PCDH15: variants seen among roughly 807,000 people sequenced by gnomAD.
PCDH15 encodes protocadherin-15.
In PCDH15, 129 loss-of-function variants were observed where a neutral mutation model predicts 178.5. The ratio of observed to expected loss-of-function variants is 0.72; its 90% CI spans 0.63 to 0.84. PCDH15 has a LOEUF of 0.84. Among genes scored for constraint, PCDH15 ranks in the 40% least tolerant of loss-of-function variants. The pLI is 0.00. For synonymous variants in PCDH15, 800 were observed against 732.0 expected, an observed-to-expected ratio of 1.09 and a Z score of -1.50; for missense variants, 2,230 against 2,099.9, an observed-to-expected ratio of 1.06 and a Z score of -1.21.
intron 2 of PCDH15, among the ~76,000 whole-genome samples, chr10:54,577,314 G>A (rs182725177): frequency 1.3e-3 from 189 of 148,954 alleles, no homozygotes; most frequent in Admixed American, 2.4e-3. Context: ...GGATAGTCTC[G>A]ATCTCCTGAC....
chr10:54,468,989 T>A (rs916583246), intron 3 of PCDH15, among the ~76,000 whole-genome samples: 1 of 152,232 alleles, frequency 6.6e-6, no homozygotes, highest in Non-Finnish European at 1.5e-5. Flanking sequence ...TCCATTTGCA[T>A]GGAATATCTT....
chr10:54,504,495 AT>A (rs1173094315), intron 3 of PCDH15, among the ~76,000 whole-genome samples: 1 of 151,986 alleles, frequency 6.6e-6, no homozygotes, highest in Non-Finnish European at 1.5e-5. Context: ...CCTATTTTAT[AT>A]TTTGGCTTTA....
At chr10:54,807,257 G>A (rs966493311) in intron 3 of PCDH15, among the ~76,000 whole-genome samples, 7 of 152,022 alleles carry the variant, frequency 4.6e-5, no homozygotes, top group East Asian at 1.9e-4. Flanking sequence ...TTTAAAAATC[G>A]TATAGAACAT....
At chr10:54,084,396 C>T (rs751452790) in intron 16 of PCDH15, among the ~76,000 whole-genome samples, 7 of 151,566 alleles carry the variant, frequency 4.6e-5, no homozygotes, top group Non-Finnish European at 1.0e-4. Context: ...TCCCTTGAAC[C>T]CAGGAGGCGG....
chr10:55,222,730 C>CACACACACACACACACATATATAT, intron 1 of PCDH15, among the ~76,000 whole-genome samples: 1 of 121,276 alleles, frequency 8.2e-6, no homozygotes, highest in Non-Finnish European at 1.7e-5. Flanking sequence ...CACACACACA[C>CACACACACACACACACATATATAT]ATATATATAT....
chr10:54,037,080 G>C (rs2093433199), intron 18 of PCDH15, among the ~76,000 whole-genome samples: 1 of 151,922 alleles, frequency 6.6e-6, no homozygotes. Flanking sequence ...GTAATCTTAT[G>C]ATAAACTTGA....
chr10:54,317,483 T>G, intron 7 of PCDH15, 42 bp from the exon 8 acceptor site: 15 of 1,606,468 alleles, frequency 9.3e-6, no homozygotes, highest in Non-Finnish European at 1.3e-5. Context: ...TTATAGAAAT[T>G]AGGCACAATA....
At chr10:53,871,932 G>T (rs370369274) in intron 26 of PCDH15, among the ~76,000 whole-genome samples, 3 of 151,922 alleles carry the variant, frequency 2.0e-5, no homozygotes, top group Non-Finnish European at 4.4e-5. Flanking sequence ...GATCACCTGA[G>T]GTCACAAGTT....
At chr10:54,253,974 G>A (rs1236689063) in intron 8 of PCDH15, among the ~76,000 whole-genome samples, 2 of 151,954 alleles carry the variant, frequency 1.3e-5, no homozygotes, top group Non-Finnish European at 2.9e-5. Context: ...TTGTGCATTA[G>A]CTTTAGGAAA....
intron 2 of PCDH15, among the ~76,000 whole-genome samples, chr10:55,395,192 TGTGTGAGAGAGAGAGAGA>T (rs1837893306): frequency 2.2e-5 from 2 of 89,062 alleles, no homozygotes; most frequent in Non-Finnish European, 4.5e-5. Flanking sequence ...TGTGTGTGTG[TGTGTGAGAGAGAGAGAGA>T]GAGAGAGAGA....
At chr10:54,172,309 C>G (rs372705780) in intron 13 of PCDH15, among the ~76,000 whole-genome samples, 1 of 152,018 alleles carries the variant, frequency 6.6e-6, no homozygotes, top group Non-Finnish European at 1.5e-5. Context: ...TTGCGACCCC[C>G]GACTCCTGCC....
chr10:54,905,928 A>T (rs1954712321), intron 2 of PCDH15, among the ~76,000 whole-genome samples: 1 of 152,162 alleles, frequency 6.6e-6, no homozygotes, highest in African/African-American at 2.4e-5. Flanking sequence ...CTTTCTAAAT[A>T]TACTCAGATT....
intron 2 of PCDH15, among the ~76,000 whole-genome samples, chr10:55,146,470 G>A (rs1838514659): frequency 6.6e-6 from 1 of 151,904 alleles, no homozygotes. Context: ...CTCAATGGCA[G>A]CCTACGCTTA....
At chr10:54,448,574 T>C (rs1832879) in intron 3 of PCDH15, among the ~76,000 whole-genome samples, 113,644 of 151,356 alleles carry the variant, frequency 0.75, 43,596 homozygotes, top group African/African-American at 0.91. Context: ...AAGGCTCTTG[T>C]TGGAAACCAT....
intron 3 of PCDH15, among the ~76,000 whole-genome samples, chr10:54,467,601 G>GTTTTTTTTTTTTTT (rs67776985): frequency 3.5e-3 from 160 of 45,672 alleles, no homozygotes; most frequent in East Asian, 5.7e-3. Flanking sequence ...TCAAGCTGTA[G>GTTTTTTTTTTTTTT]TTTTTTTTTT....
At chr10:55,216,631 G>T (rs923599523) in intron 1 of PCDH15, among the ~76,000 whole-genome samples, 1 of 151,736 alleles carries the variant, frequency 6.6e-6, no homozygotes, top group Non-Finnish European at 1.5e-5. Flanking sequence ...AATGTTTAAG[G>T]TGATGGATAT....
chr10:54,605,639 T>C (rs2092710967), intron 2 of PCDH15: 1 of 152,152 alleles, frequency 6.6e-6, no homozygotes, highest in South Asian at 2.1e-4. Context: ...TTTTTAGTAG[T>C]AACCATAAAT....
Position 54,561,996 on chromosome 10 carries a change from T to TTTTTTG in PCDH15, c.92-34120_92-34119insCAAAAA, listed in dbSNP as rs2088244924. Among the ~76,000 whole-genome samples the TTTTTTG allele has an allele frequency of 2.9e-5, 4 of 138,748 alleles. No homozygotes were observed. In the South Asian group the frequency reaches 9.6e-4, roughly 33 times the overall value. 91.0% of individuals were successfully genotyped at this position (138,748 alleles called of 152,430 possible). Reference sequence around the variant, plus strand: ...CGCACCCAGCTTTTTTTTTTTTTTTTTTTTTTTTTCCTGAGATTGTATCTC... The same window carrying TTTTTTG: ...CGCACCCAGCTTTTTTTTTTTTTTTTTTTTTGTTTTTTTTTCCTGAGATTGTATCTC... On this transcript the variant is annotated intron_variant, in intron 2 of 37. Transcript: ENST00000644397.
chr10:54,732,952 G>A (rs1303425267), intron 1 of PCDH15, among the ~76,000 whole-genome samples: 1 of 151,444 alleles, frequency 6.6e-6, no homozygotes, highest in East Asian at 1.9e-4. Context: ...CAGAAGAAAA[G>A]CATTTGATAA....
Sources: allele counts gnomAD v4.1 joint callset (sites outside exome capture counted in the v4.1 genomes callset), GRCh38; gene constraint gnomAD v4.1.1; transcripts MANE v1.5; gene names NCBI Gene and HGNC (gene_info 2026-07-23, HGNC 2026-07-21).